Variants in CA8 observed in about 807,000 individuals in gnomAD.
CA8 encodes the protein carbonic anhydrase-related protein.
In CA8, 22 loss-of-function variants were observed where a neutral mutation model predicts 41.4. The observed-to-expected ratio is 0.53, with a 90% confidence interval of 0.38 to 0.76. The LOEUF (loss-of-function observed/expected upper bound fraction) is 0.76. Ranked by LOEUF, CA8 falls within the 30% of genes least tolerant of loss-of-function variation. The probability of loss-of-function intolerance (pLI) is 0.00; values close to 1 mark genes in which losing one functional copy is unlikely to be tolerated. For missense variants in CA8, 270 were observed against 352.8 expected (o/e 0.77, Z 1.88); for synonymous variants, 121 against 130.6 (o/e 0.93, Z 0.50).
intron 7 of CA8, among the ~76,000 whole-genome samples, chr8:60,213,933 C>T (rs1187070737): frequency 1.3e-5 from 2 of 152,118 alleles, no homozygotes; most frequent in African/African-American, 2.4e-5. Flanking sequence ...AATGCAGGTA[C>T]ATATGAAACA....
chr8:60,201,671 A>G (rs1213681035), intron 8 of CA8, among the ~76,000 whole-genome samples: 3 of 152,196 alleles, frequency 2.0e-5, no homozygotes, highest in African/African-American at 7.2e-5. Context: ...GAAAAAGACA[A>G]CCTGCAGTCA....
At chr8:60,230,240 C>T (rs1807595336) in intron 4 of CA8, among the ~76,000 whole-genome samples, 1 of 152,288 alleles carries the variant, frequency 6.6e-6, no homozygotes, top group East Asian at 1.9e-4. Flanking sequence ...TGGGTCTGCT[C>T]CTATCTGAGA....
intron 3 of CA8, among the ~76,000 whole-genome samples, chr8:60,239,283 T>C (rs1474292440): frequency 6.6e-6 from 1 of 151,840 alleles, no homozygotes; most frequent in African/African-American, 2.4e-5. Flanking sequence ...TAGATAGGAG[T>C]GTAAACCCAC....
intron 3 of CA8, among the ~76,000 whole-genome samples, chr8:60,243,987 C>T (rs759968113): frequency 6.6e-6 from 1 of 152,186 alleles, no homozygotes; most frequent in Non-Finnish European, 1.5e-5. Context: ...GACCATATCC[C>T]TTTATTAAAC....
intron 3 of CA8, among the ~76,000 whole-genome samples, chr8:60,236,947 G>T (rs989961550): frequency 2.0e-5 from 3 of 152,148 alleles, no homozygotes; most frequent in African/African-American, 7.2e-5. Context: ...TTATGAACTG[G>T]CTTATTAAGG....
chr8:60,216,293 C>T (rs944731123), intron 7 of CA8, among the ~76,000 whole-genome samples: 2 of 151,878 alleles, frequency 1.3e-5, no homozygotes, highest in African/African-American at 4.8e-5. Flanking sequence ...TTATATTCCC[C>T]TAAGATTATA....
chr8:60,223,354 G>A (rs1233622498), intron 6 of CA8, among the ~76,000 whole-genome samples: 2 of 152,024 alleles, frequency 1.3e-5, no homozygotes, highest in Non-Finnish European at 1.5e-5. Context: ...GTGTGGTGGT[G>A]TGACCATGAA....
At chr8:60,269,236 T>C (rs1479847127) in intron 2 of CA8, among the ~76,000 whole-genome samples, 1 of 152,026 alleles carries the variant, frequency 6.6e-6, no homozygotes, top group Admixed American at 6.6e-5. Flanking sequence ...ACTGCTTACA[T>C]TTTTTTAAAT....
At chr8:60,245,114 G>T (rs1482476873) in intron 3 of CA8, among the ~76,000 whole-genome samples, 9 of 152,156 alleles carry the variant, frequency 5.9e-5, no homozygotes, top group Non-Finnish European at 1.2e-4. Flanking sequence ...TTATGGTACA[G>T]TGCATCTTGT....
chr8:60,249,209 T>G (rs987574765), intron 3 of CA8, among the ~76,000 whole-genome samples: 1 of 152,224 alleles, frequency 6.6e-6, no homozygotes, highest in East Asian at 1.9e-4. Context: ...CTGGCAATCA[T>G]GAGTAAACAA....
chr8:60,246,985 G>A (rs945988875), intron 3 of CA8, among the ~76,000 whole-genome samples: 3 of 141,176 alleles, frequency 2.1e-5, no homozygotes, highest in Admixed American at 1.5e-4. Flanking sequence ...CCAGGTTCAC[G>A]CCATTCTCCT....
intron 3 of CA8, among the ~76,000 whole-genome samples, chr8:60,237,808 G>A (rs1807884657): frequency 6.6e-6 from 1 of 152,190 alleles, no homozygotes; most frequent in Non-Finnish European, 1.5e-5. Flanking sequence ...GAAGAAAGTG[G>A]TTTTCCGTAA....
intron 3 of CA8, among the ~76,000 whole-genome samples, chr8:60,235,261 C>A (rs897575093): frequency 2.0e-5 from 3 of 150,522 alleles, no homozygotes; most frequent in African/African-American, 7.5e-5. Flanking sequence ...GCCACCTTCT[C>A]CCTTTATCTT....
chr8:60,268,520 G>T (rs1164931916), intron 2 of CA8, among the ~76,000 whole-genome samples: 1 of 152,110 alleles, frequency 6.6e-6, no homozygotes, highest in African/African-American at 2.4e-5. Context: ...TTCCTTAACA[G>T]CAATGAACCC....
At chr8:60,213,028 TATAGAC>T (rs1806891233) in intron 7 of CA8, among the ~76,000 whole-genome samples, 3 of 152,192 alleles carry the variant, frequency 2.0e-5, no homozygotes, top group Admixed American at 2.0e-4. Context: ...CAGAGACAGA[TATAGAC>T]AGAGAGGACT....
chr8:60,258,168 G>A (rs1215152417), intron 3 of CA8, among the ~76,000 whole-genome samples: 1 of 152,188 alleles, frequency 6.6e-6, no homozygotes, highest in Non-Finnish European at 1.5e-5. Context: ...CAGATTCACT[G>A]TCATGGTACC....
At chr8:60,211,116 TCA>T (rs977089712) in intron 7 of CA8, among the ~76,000 whole-genome samples, 31 of 152,254 alleles carry the variant, frequency 2.0e-4, no homozygotes, top group African/African-American at 7.0e-4. Flanking sequence ...TCTTCAAACC[TCA>T]GTTTCCACAT....
intron 2 of CA8, among the ~76,000 whole-genome samples, chr8:60,275,813 G>C (rs532034151): frequency 2.4e-4 from 37 of 152,160 alleles, no homozygotes; most frequent in Admixed American, 5.9e-4. Context: ...CAGTAGTAAA[G>C]AAAACACTGT....
chr8:60,201,601 G>A (rs1011658869), intron 8 of CA8, among the ~76,000 whole-genome samples: 17 of 151,708 alleles, frequency 1.1e-4, no homozygotes, highest in African/African-American at 3.6e-4. Context: ...TTTTTGGTGA[G>A]GAAAAAAATG....
Sources: gnomAD v4.1 joint callset for allele counts (sites outside exome capture counted in the v4.1 genomes callset) on GRCh38, gnomAD v4.1.1 for gene constraint, MANE v1.5 for transcripts, NCBI Gene and HGNC (gene_info 2026-07-23, HGNC 2026-07-21) for gene names.